Variants in TPD52 observed in about 807,000 individuals in gnomAD.
TPD52 encodes tumor protein D52, also known as prostate and colon associated protein.
TPD52 carries 17 observed loss-of-function variants against 31.3 expected under a neutral mutation model. The observed-to-expected ratio is 0.54, with a 90% CI of 0.37 to 0.82. TPD52 has a LOEUF of 0.82. Among genes scored for constraint, TPD52 ranks in the 40% least tolerant of loss-of-function variants. The pLI, the probability that TPD52 is intolerant of heterozygous loss-of-function variation, is 0.00. For synonymous variants in TPD52, 83 were observed against 89.6 expected, an observed-to-expected ratio of 0.93 and a Z score of 0.42; for missense variants, 212 against 240.1, an observed-to-expected ratio of 0.88 and a Z score of 0.77.
chr8:80,086,613 C>G (rs974048883), intron 1 of TPD52, among the ~76,000 whole-genome samples: 2 of 151,890 alleles, frequency 1.3e-5, no homozygotes, highest in African/African-American at 4.8e-5. Flanking sequence ...GTGGCTCACA[C>G]CTGTAATCCT....
intron 1 of TPD52, among the ~76,000 whole-genome samples, chr8:80,106,798 A>T (rs1484009009): frequency 6.6e-6 from 1 of 151,248 alleles, no homozygotes; most frequent in Non-Finnish European, 1.5e-5. Context: ...ATGAGACCCA[A>T]TTTGGTTCAT....
chr8:80,094,366 C>T (rs1408598296), intron 1 of TPD52, among the ~76,000 whole-genome samples: 2 of 145,630 alleles, frequency 1.4e-5, no homozygotes, highest in African/African-American at 5.0e-5. Context: ...AGCTAGACTA[C>T]ACCTCCCAGG....
At chr8:80,046,553 T>C (rs1255616531) in intron 5 of TPD52, among the ~76,000 whole-genome samples, 1 of 152,244 alleles carries the variant, frequency 6.6e-6, no homozygotes, top group Non-Finnish European at 1.5e-5. Flanking sequence ...AAATGTAATA[T>C]GGAAACCTTC....
intron 1 of TPD52, among the ~76,000 whole-genome samples, chr8:80,124,026 A>C (rs1808433009): frequency 6.6e-6 from 1 of 152,200 alleles, no homozygotes; most frequent in Non-Finnish European, 1.5e-5. Context: ...GCTGAACATG[A>C]CTAAAAGGTA....
intron 1 of TPD52, among the ~76,000 whole-genome samples, chr8:80,166,153 C>T (rs531576327): frequency 6.6e-6 from 1 of 151,962 alleles, no homozygotes; most frequent in Non-Finnish European, 1.5e-5. Flanking sequence ...CCCATCTCTA[C>T]AAAAATAGAA....
At chr8:80,054,755 A>AAG (rs1554579876) in intron 2 of TPD52, among the ~76,000 whole-genome samples, 1 of 151,846 alleles carries the variant, frequency 6.6e-6, no homozygotes, top group African/African-American at 2.4e-5. Context: ...AAAAAAAAAA[A>AAG]AAGAAGAAAA....
At chr8:80,110,381 T>G (rs1219133165) in intron 1 of TPD52, among the ~76,000 whole-genome samples, 2 of 151,902 alleles carry the variant, frequency 1.3e-5, no homozygotes, top group Non-Finnish European at 2.9e-5. Flanking sequence ...ACAAAAGGAA[T>G]TGTTTTTCAT....
At position 80,064,585 on chromosome 8, in the gene TPD52, TCAG is replaced by T; in HGVS notation, c.25_27del (p.Leu9del). 6.2e-7 allele frequency: 1 copy of T among 1,613,136 alleles called. No individual in the cohort carries two copies. Among genetic ancestry groups the T allele is most frequent in the East Asian group, 2.2e-5 (1 of 44,878 alleles). ...CCTTCCTCAGGGACTGGGTCTGTTC[TCAG>T]CAGACCTGGTTGGGGATTTAAACCA... On this transcript the variant is annotated inframe_deletion, in exon 2 of 8. Coordinates refer to ENST00000518937, the MANE Select transcript of TPD52 (RefSeq NM_001025253.3).
chr8:80,146,713 C>G (rs1046131406), intron 1 of TPD52, among the ~76,000 whole-genome samples: 1 of 152,208 alleles, frequency 6.6e-6, no homozygotes, highest in East Asian at 1.9e-4. Context: ...AATCAAGTAT[C>G]CATTAATAGA....
chr8:80,072,313 A>G (rs1200080572), intron 1 of TPD52, among the ~76,000 whole-genome samples: 2 of 78,852 alleles, frequency 2.5e-5, no homozygotes, highest in Non-Finnish European at 5.1e-5. Context: ...TCTAAAAAAC[A>G]TATATGTGTG....
intron 1 of TPD52, among the ~76,000 whole-genome samples, chr8:80,170,054 A>C (rs1811974004): frequency 6.6e-6 from 1 of 152,210 alleles, no homozygotes; most frequent in East Asian, 1.9e-4. Context: ...TTAAGTCTGA[A>C]ATTAATCTGA....
chr8:80,086,877 CAAAAAAAAAAAAAAAAAA>C (rs58864911), intron 1 of TPD52, among the ~76,000 whole-genome samples: 3 of 76,572 alleles, frequency 3.9e-5, no homozygotes, highest in African/African-American at 9.4e-5. Context: ...GCTGTCTCAA[CAAAAAAAAAAAAAAAAAA>C]AAAAAAAAAA....
At chr8:80,051,990 A>T in intron 3 of TPD52, 1 of 185,678 alleles carries the variant, frequency 5.4e-6, no homozygotes. Flanking sequence ...AATCCAAACA[A>T]AACAAAAATG....
chr8:80,042,279 T>C, intron 7 of TPD52: 1 of 985,430 alleles, frequency 1.0e-6, no homozygotes, highest in Non-Finnish European at 1.2e-6. Context: ...CTTCCTATAT[T>C]CTTGTTAATT....
intron 2 of TPD52, among the ~76,000 whole-genome samples, chr8:80,057,176 A>G (rs1811985039): frequency 6.6e-6 from 1 of 152,318 alleles, no homozygotes; most frequent in Middle Eastern, 3.4e-3. Flanking sequence ...CAAAAAACAA[A>G]CAAGCAACAA....
intron 1 of TPD52, among the ~76,000 whole-genome samples, chr8:80,109,575 T>C (rs1701455224): frequency 6.6e-6 from 1 of 151,974 alleles, no homozygotes; most frequent in Admixed American, 6.6e-5. Context: ...CCTGGCTAAT[T>C]TTTGTATTTT....
chr8:80,089,655 G>A (rs943539742), intron 1 of TPD52, among the ~76,000 whole-genome samples: 3 of 152,214 alleles, frequency 2.0e-5, no homozygotes, highest in Non-Finnish European at 4.4e-5. Context: ...GGCAAGCAAT[G>A]ACCTTTAATG....
At chr8:80,053,071 C>T in intron 3 of TPD52, 1 of 446,980 alleles carries the variant, frequency 2.2e-6, no homozygotes, top group Non-Finnish European at 3.9e-6. Flanking sequence ...AACTGGCTAG[C>T]TTTCTTTCTA....
chr8:80,123,217 G>A (rs1248076687), intron 1 of TPD52: 1 of 152,296 alleles, frequency 6.6e-6, no homozygotes, highest in African/African-American at 2.4e-5. Context: ...CAAAAGCAGA[G>A]GCAGGAGGGC....
Sources: gnomAD v4.1 joint callset for allele counts (sites outside exome capture counted in the v4.1 genomes callset) on GRCh38, gnomAD v4.1.1 for gene constraint, MANE v1.5 for transcripts, NCBI Gene and HGNC (gene_info 2026-07-23, HGNC 2026-07-21) for gene names.